The following KIF21A variants were observed in gnomAD, a reference collection of about 807,000 sequenced individuals.
KIF21A encodes the protein kinesin family member 21A.
Under a neutral mutation model 202.9 loss-of-function variants are expected in KIF21A, and 114 were observed. That is an observed-to-expected ratio of 0.56 (90% confidence interval 0.48 to 0.66). The LOEUF is 0.66. Among genes scored for constraint, KIF21A ranks in the 30% least tolerant of loss-of-function variants. KIF21A has a pLI of 0.00. For synonymous variants in KIF21A, 667 were observed against 670.8 expected, an observed-to-expected ratio of 0.99 and a Z score of 0.09; for missense variants, 1,677 against 1,994.9, an observed-to-expected ratio of 0.84 and a Z score of 3.04.
chr12:39,384,772 G>T (rs569007094), intron 1 of KIF21A, among the ~76,000 whole-genome samples: 2 of 152,288 alleles, frequency 1.3e-5, no homozygotes, highest in South Asian at 4.1e-4. Flanking sequence ...TAAAATCAAT[G>T]CAAGAGCTGG....
At chr12:39,294,968 T>G (rs11171676) in intron 37 of KIF21A, among the ~76,000 whole-genome samples, 45,138 of 152,066 alleles carry the variant, frequency 0.3, 8,453 homozygotes, top group African/African-American at 0.53. Context: ...AAGGCTTCAG[T>G]CAAAACAGCC....
intron 6 of KIF21A, 32 bp from the exon 7 acceptor site, chr12:39,363,245 G>T: frequency 1.6e-6 from 2 of 1,287,608 alleles, no homozygotes; most frequent in South Asian, 2.4e-5. Flanking sequence ...ACAGCAAAAT[G>T]ATACAAATTT....
intron 12 of KIF21A, among the ~76,000 whole-genome samples, chr12:39,344,788 T>G (rs772340857): frequency 6.6e-6 from 1 of 152,196 alleles, no homozygotes; most frequent in Non-Finnish European, 1.5e-5. Flanking sequence ...CCGAGGCAAA[T>G]TGATATCTAA....
At chr12:39,303,277 T>G in intron 35 of KIF21A, 142 bp from the exon 36 acceptor site, 1 of 708,994 alleles carries the variant, frequency 1.4e-6, no homozygotes, top group Non-Finnish European at 2.3e-6. Context: ...TTGTTAAATG[T>G]TTTCTTTTTA....
At chr12:39,311,619 T>A (rs1944044758) in intron 31 of KIF21A, 66 bp from the exon 32 acceptor site, 12 of 1,580,598 alleles carry the variant, frequency 7.6e-6, no homozygotes, top group African/African-American at 1.3e-5. Context: ...ATCATGAGAC[T>A]AGTTTTGTTT....
intron 36 of KIF21A, 22 bp from the exon 37 acceptor site, chr12:39,301,701 C>G: frequency 6.2e-7 from 1 of 1,604,750 alleles, no homozygotes. Flanking sequence ...AAAGTGAAAT[C>G]AGCAGCTTAA....
At chr12:39,403,831 T>A (rs2139906570) in intron 1 of KIF21A, among the ~76,000 whole-genome samples, 1 of 152,302 alleles carries the variant, frequency 6.6e-6, no homozygotes, top group South Asian at 2.1e-4. Flanking sequence ...AGTAGCAAAG[T>A]CTTACTTCTT....
chr12:39,330,690 T>C lies in KIF21A; in HGVS notation c.3319+56A>G. On this transcript the variant is annotated intron_variant, in intron 23 of 37. Transcript: ENST00000361418. Reference sequence around the variant, plus strand: ...GGGGAAAGGGATATACTATACCATGTTCAAAAAGCAAAGCTACCATGCAAA... The same window carrying C: ...GGGGAAAGGGATATACTATACCATGCTCAAAAAGCAAAGCTACCATGCAAA... The C allele has an allele frequency of 2.0e-6, 3 of 1,515,520 alleles. No homozygotes were observed. The South Asian group carries it at 3.4e-5, about 17-fold the overall frequency. 93.9% of individuals were successfully genotyped at this position (1,515,520 alleles called of 1,614,324 possible).
chr12:39,409,927 G>C (rs1952945663), intron 1 of KIF21A, among the ~76,000 whole-genome samples: 1 of 151,848 alleles, frequency 6.6e-6, no homozygotes, highest in Admixed American at 6.6e-5. Context: ...CGCCTTCCAG[G>C]TTCAAGTGAC....
intron 28 of KIF21A, 124 bp from the exon 29 acceptor site, chr12:39,318,325 C>A: frequency 1.1e-6 from 1 of 905,894 alleles, no homozygotes; most frequent in Non-Finnish European, 1.7e-6. Context: ...TTCCTTTCTT[C>A]CTTTTTTGTA....
intron 32 of KIF21A, among the ~76,000 whole-genome samples, chr12:39,310,035 T>G (rs1367723639): frequency 6.6e-6 from 1 of 151,962 alleles, no homozygotes; most frequent in Admixed American, 6.6e-5. Context: ...TTTGAAATGG[T>G]CATATCAAGA....
At chr12:39,296,875 T>C (rs1309590758) in intron 37 of KIF21A, among the ~76,000 whole-genome samples, 1 of 152,208 alleles carries the variant, frequency 6.6e-6, no homozygotes, top group Admixed American at 6.5e-5. Context: ...GGGTTTTGAA[T>C]AGAGAAGGAA....
chr12:39,438,840 C>T (rs1269832642), intron 1 of KIF21A, among the ~76,000 whole-genome samples: 1 of 152,168 alleles, frequency 6.6e-6, no homozygotes, highest in Non-Finnish European at 1.5e-5. Flanking sequence ...GAGAAAGGAA[C>T]ACATCCTCTC....
intron 37 of KIF21A, 40 bp from the exon 38 acceptor site, chr12:39,294,557 G>T: frequency 7.0e-7 from 1 of 1,433,932 alleles, no homozygotes; most frequent in Non-Finnish European, 9.8e-7. Flanking sequence ...ATGAACAAGG[G>T]CAGAAAGATA....
intron 1 of KIF21A, among the ~76,000 whole-genome samples, chr12:39,381,745 A>G (rs931770787): frequency 5.9e-5 from 9 of 152,228 alleles, no homozygotes; most frequent in African/African-American, 1.7e-4. Context: ...TTCCTGCCCC[A>G]TAAGTGTGGT....
At chr12:39,367,300 T>C in intron 4 of KIF21A, 136 bp from the exon 5 acceptor site, 1 of 878,624 alleles carries the variant, frequency 1.1e-6, no homozygotes. Context: ...ATTAGTTCAG[T>C]TACAGGCACT....
chr12:39,415,959 T>A (rs1337086784), intron 1 of KIF21A, among the ~76,000 whole-genome samples: 1 of 152,172 alleles, frequency 6.6e-6, no homozygotes, highest in Non-Finnish European at 1.5e-5. Flanking sequence ...TGATATCAGT[T>A]CAAGGAAAGC....
chr12:39,362,663 T>A (rs1949322842), intron 7 of KIF21A, among the ~76,000 whole-genome samples: 1 of 152,044 alleles, frequency 6.6e-6, no homozygotes, highest in Non-Finnish European at 1.5e-5. Flanking sequence ...TAGAAGACTT[T>A]GTAAAAAAAA....
chr12:39,424,109 T>A (rs1326552801), intron 1 of KIF21A, among the ~76,000 whole-genome samples: 1 of 151,916 alleles, frequency 6.6e-6, no homozygotes, highest in African/African-American at 2.4e-5. Context: ...TGCCTAGCAT[T>A]GTCTCATTAA....
Sources: allele counts gnomAD v4.1 joint callset (sites outside exome capture counted in the v4.1 genomes callset), GRCh38; gene constraint gnomAD v4.1.1; transcripts MANE v1.5; gene names NCBI Gene and HGNC (gene_info 2026-07-23, HGNC 2026-07-21).